Variants in CNOT9 observed in about 807,000 individuals in gnomAD.
CNOT9 encodes the protein RCD1 required for cell differentiation1 homolog.
Under a neutral mutation model 37.4 loss-of-function variants are expected in CNOT9, and 8 were observed. The observed-to-expected ratio is 0.21, with a 90% CI of 0.13 to 0.39. The LOEUF (loss-of-function observed/expected upper bound fraction) is 0.39, where lower values mean the gene tolerates loss of function less well. Among genes scored for constraint, CNOT9 ranks in the 10% least tolerant of loss-of-function variants. The pLI is 1.00. For missense variants in CNOT9, 154 were observed against 365.3 expected (o/e 0.42, Z 4.71); for synonymous variants, 120 against 137.6 (o/e 0.87, Z 0.90).
chr2:218,584,436 A>G (rs941479119), intron 3 of CNOT9, among the ~76,000 whole-genome samples, 176 bp from the exon 4 acceptor site: 8 of 152,146 alleles, frequency 5.3e-5, no homozygotes, highest in African/African-American at 1.9e-4. Context: ...AGGGGGCAAA[A>G]TTTACCCCAT....
chr2:218,569,075 A>AT (rs1165031216), intron 1 of CNOT9, 97 bp downstream of exon 1: 2 of 1,366,458 alleles, frequency 1.5e-6, no homozygotes, highest in Admixed American at 2.0e-5. Flanking sequence ...CCCTAGTCTG[A>AT]TTTTTTTCTG....
At chr2:218,577,278 T>G (rs1356957060) in intron 1 of CNOT9, among the ~76,000 whole-genome samples, 2 of 152,178 alleles carry the variant, frequency 1.3e-5, no homozygotes, top group African/African-American at 4.8e-5. Context: ...TGGTGTAACT[T>G]ACTGCTGTTA....
At chr2:218,569,665 T>C (rs1176331247) in intron 1 of CNOT9, among the ~76,000 whole-genome samples, 1 of 152,224 alleles carries the variant, frequency 6.6e-6, no homozygotes, top group Non-Finnish European at 1.5e-5. Flanking sequence ...GTTTTATGTC[T>C]CTTGCTCCTA....
intron 7 of CNOT9, chr2:218,593,146 T>TA (rs1480412896): frequency 4.4e-6 from 1 of 227,672 alleles, no homozygotes; most frequent in Non-Finnish European, 8.6e-6. Flanking sequence ...CTTATGTTCA[T>TA]AATCTTTCTG....
rs760616522 is a variant in CNOT9 at position 218,594,244 on chromosome 2, G to A, written c.868G>A (p.Asp290Asn). The change falls in exon 8 of 8, where the codon GAT (aspartate) becomes AAT (asparagine). Residue 290 changes from aspartate (D) to asparagine (N), a missense_variant. Around this residue, in one of 2 missense-constraint regions of CNOT9, gnomAD observed 117 missense variants for 325.4 expected, o/e 0.36. Coordinates refer to ENST00000273064, the MANE Select transcript of CNOT9 (RefSeq NM_005444.3). ...GAACCTGCAAGAGGGCCAGGTCACC[G>A]ATCCCCGGGGTATCCCCCTGCCCCC... is the stretch of plus-strand genomic sequence containing the variant. Reference protein sequence around the residue: ...VKNLQEGQVTDPRGIPLPPQ With the variant: ...VKNLQEGQVTNPRGIPLPPQ The A allele has an allele frequency of 3.1e-6, 5 of 1,613,466 alleles. No individual in the cohort carries two copies. The highest frequency in any genetic ancestry group is 1.1e-5 in the South Asian group (1 of 90,996).
rs963096844 is a variant in CNOT9, at chr2:218,592,097, GA to G, written c.541-198del. Among the ~76,000 whole-genome samples, 1 of 150,604 alleles carries G rather than the reference GA, an allele frequency of 6.6e-6. No homozygotes were observed. Among genetic ancestry groups the G allele is most frequent in the East Asian group, 1.9e-4 (1 of 5,140 alleles). On this transcript the variant is annotated intron_variant, in intron 5 of 7. Coordinates refer to ENST00000273064, the MANE Select transcript of CNOT9 (RefSeq NM_005444.3). The surrounding 1 kb of genome is among the most constrained non-coding windows in gnomAD (Gnocchi z 4.1). ...ATAAGATAAGCATGTAAAGCCTCTA[GA>G]AAAAAAAACTGGTACAAAGTAATGT...
intron 2 of CNOT9, among the ~76,000 whole-genome samples, chr2:218,581,417 AC>A (rs1258594950): frequency 6.6e-6 from 1 of 150,412 alleles, no homozygotes; most frequent in Admixed American, 6.6e-5. Flanking sequence ...TGATCCACCC[AC>A]CTTGGCCTCC....
chr2:218,573,318 T>TAA (rs34596336), intron 1 of CNOT9, among the ~76,000 whole-genome samples: 2 of 132,848 alleles, frequency 1.5e-5, no homozygotes, highest in Non-Finnish European at 1.6e-5. Context: ...AACTCCATCT[T>TAA]AAAAAAAAAA....
At chr2:218,581,033 C>CA (rs1361173830) in intron 2 of CNOT9, 1 of 528,664 alleles carries the variant, frequency 1.9e-6, no homozygotes. Flanking sequence ...TACGCTTTGA[C>CA]GAACACCGCT....
intron 2 of CNOT9, among the ~76,000 whole-genome samples, chr2:218,582,769 A>T (rs894400196): frequency 6.6e-6 from 1 of 152,140 alleles, no homozygotes; most frequent in Non-Finnish European, 1.5e-5. Flanking sequence ...AAATGTAGAA[A>T]TGTCTTAGCT....
rs1484853307 is a variant in CNOT9 at position 218,596,863 on chromosome 2, G to A, written c.*2587G>A. 6.6e-6 allele frequency: 1 copy of A among 152,246 alleles called. No homozygotes were observed. The highest frequency in any genetic ancestry group is 2.4e-5 in the African/African-American group (1 of 41,458). 9.4% of individuals were successfully genotyped at this position (152,246 alleles called of 1,614,324 possible). On this transcript the variant is annotated 3_prime_UTR_variant, in exon 8 of 8. Coordinates refer to ENST00000273064, the MANE Select transcript of CNOT9 (RefSeq NM_005444.3). ...GGATTGTTTCCATGCCTGGCTGTCA[G>A]TGGGACACAGCTGCCCTATGCTTCC...
At chr2:218,569,622 A>G (rs1256318159) in intron 1 of CNOT9, among the ~76,000 whole-genome samples, 1 of 152,208 alleles carries the variant, frequency 6.6e-6, no homozygotes, top group African/African-American at 2.4e-5. Flanking sequence ...ACGGCCCTGT[A>G]TGATGTGGTA....
At chr2:218,571,896 T>A (rs1694008808) in intron 1 of CNOT9, among the ~76,000 whole-genome samples, 2 of 151,654 alleles carry the variant, frequency 1.3e-5, no homozygotes, top group African/African-American at 4.8e-5. Context: ...GCTGTTGTCA[T>A]TCTTGATGGA....
chr2:218,579,858 G>A (rs1030309703), intron 1 of CNOT9, among the ~76,000 whole-genome samples: 3 of 150,398 alleles, frequency 2.0e-5, no homozygotes, highest in African/African-American at 4.9e-5. Flanking sequence ...TCACTCTGTC[G>A]CCCAAGCTGG....
At chr2:218,583,131 A>T in intron 3 of CNOT9, 45 bp downstream of exon 3, 1 of 1,230,132 alleles carries the variant, frequency 8.1e-7, no homozygotes, top group Non-Finnish European at 1.2e-6. Flanking sequence ...TACATTGAAT[A>T]TGGTCCTAAA....
Position 218,596,281 on chromosome 2 carries a change from G to C in CNOT9, c.*2005G>C, listed in dbSNP as rs1171971921. The C allele has an allele frequency of 1.3e-5, 2 of 152,228 alleles. No individual in the cohort carries two copies. The highest frequency in any genetic ancestry group is 4.8e-5 in the African/African-American group (2 of 41,432). 9.4% of individuals were successfully genotyped at this position (152,228 alleles called of 1,614,324 possible). A position where few individuals can be genotyped will look rare whatever the true frequency, so the allele number is the denominator to read the frequency against. ...AGCTGGCCTTGGAACCCACATAGGA[G>C]TTGGTGGGGGAGGGATGGAATGGGT... is the stretch of plus-strand genomic sequence containing the variant. On this transcript the variant is annotated 3_prime_UTR_variant, in exon 8 of 8. Coordinates refer to ENST00000273064, the MANE Select transcript of CNOT9 (RefSeq NM_005444.3).
chr2:218,589,686 C>G (rs1213267466), intron 5 of CNOT9, among the ~76,000 whole-genome samples: 4 of 152,160 alleles, frequency 2.6e-5, no homozygotes, highest in African/African-American at 9.7e-5. Context: ...GGCTGGAATG[C>G]AGTGGCTATT....
chr2:218,571,574 CTTT>C (rs34894382), intron 1 of CNOT9, among the ~76,000 whole-genome samples: 1 of 142,630 alleles, frequency 7.0e-6, no homozygotes. Flanking sequence ...TTTTGTGATT[CTTT>C]TTTTTTTTTT....
At chr2:218,589,671 G>A (rs1694710297) in intron 5 of CNOT9, among the ~76,000 whole-genome samples, 1 of 152,050 alleles carries the variant, frequency 6.6e-6, no homozygotes, top group African/African-American at 2.4e-5. Context: ...TCACTATGTT[G>A]CCCAGGCTGG....
Sources: gnomAD v4.1 joint callset for allele counts (sites outside exome capture counted in the v4.1 genomes callset) on GRCh38, gnomAD v4.1.1 for gene constraint, gnomAD v4.1.1 regional missense constraint, Gnocchi (gnomAD v3.1) non-coding constraint, MANE v1.5 for transcripts, NCBI Gene and HGNC (gene_info 2026-07-23, HGNC 2026-07-21) for gene names.